Variants in AKAP1 observed in about 807,000 individuals in gnomAD.
AKAP1 encodes A-kinase anchor protein 1, mitochondrial.
In AKAP1, 32 loss-of-function variants were observed where a neutral mutation model predicts 79.8. The observed-to-expected ratio is 0.40, with a 90% CI of 0.30 to 0.54. The LOEUF (loss-of-function observed/expected upper bound fraction) is 0.54, where lower values mean the gene tolerates loss of function less well. AKAP1 is among the 20% of genes least tolerant of loss of function. The probability of loss-of-function intolerance (pLI) is 0.47; values close to 1 mark genes in which losing one functional copy is unlikely to be tolerated. For synonymous variants in AKAP1, 416 were observed against 466.7 expected (o/e 0.89, Z 1.40); for missense variants, 961 against 1,138.9 (o/e 0.84, Z 2.25).
intron 2 of AKAP1, among the ~76,000 whole-genome samples, chr17:57,108,847 C>T (rs1376162296): frequency 6.6e-6 from 1 of 152,210 alleles, no homozygotes; most frequent in Non-Finnish European, 1.5e-5. Flanking sequence ...GTTAGCCAGT[C>T]CCATTCTGTG....
chr17:57,087,545 A>C (rs1456308487), intron 1 of AKAP1, among the ~76,000 whole-genome samples: 1 of 152,240 alleles, frequency 6.6e-6, no homozygotes, highest in Non-Finnish European at 1.5e-5. Context: ...TAGCCTCTAC[A>C]GTATTCCCTT....
chr17:57,091,030 C>G lies in AKAP1; in HGVS notation c.-25+5632C>G, dbSNP rs573595522. 6.6e-5 allele frequency among the ~76,000 whole-genome samples: 10 copies of G among 152,350 alleles called. No individual in the cohort carries two copies. In the South Asian group the frequency reaches 1.0e-3, roughly 16 times the overall value. On this transcript the variant is annotated intron_variant, in intron 1 of 10. Coordinates refer to ENST00000337714, the MANE Select transcript of AKAP1 (RefSeq NM_003488.4). ...CCCCAGCCCCCATCCCTTCTCTGGC[C>G]TGGGCCTGGATGTGCCTTTGTGAGG...
At chr17:57,092,550 T>C (rs1279200690) in intron 1 of AKAP1, 1 of 152,238 alleles carries the variant, frequency 6.6e-6, no homozygotes, top group Non-Finnish European at 1.5e-5. Context: ...GGCTAATGTG[T>C]GGTGTGGCCA....
chr17:57,112,055 G>T, intron 4 of AKAP1, 131 bp downstream of exon 4: 2 of 1,235,878 alleles, frequency 1.6e-6, no homozygotes, highest in Non-Finnish European at 2.2e-6. Flanking sequence ...GGGAGCATTA[G>T]GTATCTTCCC....
At chr17:57,118,282 G>A (rs1276074773) in intron 8 of AKAP1, 99 bp from the exon 9 acceptor site, 2 of 1,130,182 alleles carry the variant, frequency 1.8e-6, no homozygotes, top group Non-Finnish European at 2.7e-6. Flanking sequence ...CACAGCATCT[G>A]AAGCATTCTA....
At chr17:57,116,387 GT>G in intron 7 of AKAP1, 126 bp downstream of exon 7, 1 of 1,257,706 alleles carries the variant, frequency 8.0e-7, no homozygotes, top group Non-Finnish European at 1.1e-6. Context: ...TGCCTACTGT[GT>G]TTTAGCAGAG....
intron 2 of AKAP1, among the ~76,000 whole-genome samples, chr17:57,109,720 C>T (rs1194200618): frequency 6.6e-6 from 1 of 152,222 alleles, no homozygotes; most frequent in African/African-American, 2.4e-5. Flanking sequence ...TCCCTGGGCG[C>T]AGTCTGTCTC....
chr17:57,119,269 A>C (rs1308852401), intron 10 of AKAP1, among the ~76,000 whole-genome samples: 1 of 152,220 alleles, frequency 6.6e-6, no homozygotes, highest in Non-Finnish European at 1.5e-5. Flanking sequence ...TATTCAGGAC[A>C]GCCCCCCACA....
intron 1 of AKAP1, among the ~76,000 whole-genome samples, 173 bp from the exon 2 acceptor site, chr17:57,105,268 T>TCA (rs1914771881): frequency 6.6e-6 from 1 of 152,118 alleles, no homozygotes; most frequent in Non-Finnish European, 1.5e-5. Flanking sequence ...CCCCAGTGGA[T>TCA]CACACAGAGG....
At chr17:57,118,315 T>C (rs990775217) in intron 8 of AKAP1, 66 bp from the exon 9 acceptor site, 30 of 1,461,012 alleles carry the variant, frequency 2.1e-5, no homozygotes, top group Non-Finnish European at 2.9e-5. Context: ...CTGAAACTTG[T>C]GTACATGACA....
intron 3 of AKAP1, 50 bp from the exon 4 acceptor site, chr17:57,111,748 G>A: frequency 3.1e-6 from 5 of 1,606,096 alleles, no homozygotes; most frequent in Non-Finnish European, 4.3e-6. Flanking sequence ...TGGGTGTCCA[G>A]GGAATTGGTT....
Position 57,105,606 on chromosome 17 carries a change from C to A in AKAP1, c.142C>A (p.Leu48Met). ...EQQVEAGAVQLRADPAIKEPL... is the reference protein window; with the variant it reads ...EQQVEAGAVQMRADPAIKEPL... ...GCAGGTGGAGGCTGGTGCTGTGCAG[C>A]TGAGGGCTGACCCTGCCATCAAGGA... Residue 48 changes from leucine to methionine, a missense_variant, in exon 2 of 11, where the codon CTG (leucine) becomes ATG (methionine). This residue lies in a region of AKAP1 where 108 missense variants were observed against 147.6 expected (regional missense o/e 0.73). Transcript: ENST00000337714. 1 of 1,614,118 alleles carries A rather than the reference C, an allele frequency of 6.2e-7. No individual in the cohort carries two copies. Among genetic ancestry groups the A allele is most frequent in the Non-Finnish European group, 8.5e-7 (1 of 1,180,022 alleles).
At chr17:57,100,810 C>T (rs1914459777) in intron 1 of AKAP1, among the ~76,000 whole-genome samples, 1 of 151,724 alleles carries the variant, frequency 6.6e-6, no homozygotes, top group Admixed American at 6.6e-5. Flanking sequence ...TGTCCTTACT[C>T]TTTTTTTTTA....
At chr17:57,118,794 T>C (rs571870935) in intron 9 of AKAP1, among the ~76,000 whole-genome samples, 188 bp from the exon 10 acceptor site, 6 of 152,226 alleles carry the variant, frequency 3.9e-5, no homozygotes, top group African/African-American at 1.4e-4. Flanking sequence ...CAGATACTTA[T>C]AAAACCATCA....
chr17:57,101,525 C>T (rs1415973954), intron 1 of AKAP1: 1 of 151,440 alleles, frequency 6.6e-6, no homozygotes, highest in South Asian at 2.1e-4. Flanking sequence ...CTTGACTGCA[C>T]ATTGTAATCA....
At chr17:57,104,672 T>C (rs34179370) in intron 1 of AKAP1, among the ~76,000 whole-genome samples, 66,855 of 152,098 alleles carry the variant, frequency 0.44, 15,161 homozygotes, top group East Asian at 0.79. Context: ...GAGCTAGCAT[T>C]GCGAGAGAGT....
At chr17:57,093,550 A>G (rs928409083) in intron 1 of AKAP1, 1 of 152,204 alleles carries the variant, frequency 6.6e-6, no homozygotes, top group Non-Finnish European at 1.5e-5. Context: ...ATCAATTATT[A>G]TAGGAAAATA....
intron 1 of AKAP1, among the ~76,000 whole-genome samples, chr17:57,087,792 C>T (rs1392009928): frequency 6.6e-6 from 1 of 152,218 alleles, no homozygotes; most frequent in Non-Finnish European, 1.5e-5. Flanking sequence ...GGCTAGCCTC[C>T]TGCTCCCAGC....
chr17:57,090,132 G>A (rs971852430), intron 1 of AKAP1, among the ~76,000 whole-genome samples: 37 of 152,150 alleles, frequency 2.4e-4, no homozygotes, highest in African/African-American at 8.9e-4. Flanking sequence ...GGATGCTAAC[G>A]TGTTCTGTTG....
Sources: gnomAD v4.1 joint callset for allele counts (sites outside exome capture counted in the v4.1 genomes callset) on GRCh38, gnomAD v4.1.1 for gene constraint, gnomAD v4.1.1 regional missense constraint, MANE v1.5 for transcripts, NCBI Gene and HGNC (gene_info 2026-07-23, HGNC 2026-07-21) for gene names.